Variants in CCSER1 observed in about 807,000 individuals in gnomAD.
CCSER1 encodes the protein coiled-coil serine rich protein 1.
In CCSER1, 41 loss-of-function variants were observed where a neutral mutation model predicts 82.0. The observed-to-expected ratio is 0.50, with a 90% confidence interval of 0.39 to 0.65. CCSER1 has a LOEUF of 0.65. Among genes scored for constraint, CCSER1 ranks in the 30% least tolerant of loss-of-function variants. The probability of loss-of-function intolerance (pLI) is 0.00; values close to 1 mark genes in which losing one functional copy is unlikely to be tolerated. For synonymous variants in CCSER1, 414 were observed against 383.9 expected, an observed-to-expected ratio of 1.08 and a Z score of -0.92; for missense variants, 1,119 against 1,064.2, an observed-to-expected ratio of 1.05 and a Z score of -0.72.
At chr4:90,973,101 G>A (rs1014632141) in intron 9 of CCSER1, among the ~76,000 whole-genome samples, 1 of 151,662 alleles carries the variant, frequency 6.6e-6, no homozygotes, top group Middle Eastern at 3.4e-3. Flanking sequence ...CATTTGGCTG[G>A]GCAATGATTT....
At chr4:91,558,111 A>G (rs374250145) in intron 10 of CCSER1, among the ~76,000 whole-genome samples, 1 of 16,796 alleles carries the variant, frequency 6.0e-5, no homozygotes, top group Admixed American at 4.8e-4. Context: ...AATAAAAAAA[A>G]TATATTTCAT....
At chr4:90,897,387 G>T (rs1245935986) in intron 8 of CCSER1, among the ~76,000 whole-genome samples, 2 of 151,900 alleles carry the variant, frequency 1.3e-5, no homozygotes, top group African/African-American at 2.4e-5. Flanking sequence ...AGAACATATG[G>T]TGTTTGATTT....
At chr4:90,747,807 C>T (rs546105574) in intron 7 of CCSER1, among the ~76,000 whole-genome samples, 2 of 127,910 alleles carry the variant, frequency 1.6e-5, no homozygotes, top group African/African-American at 5.8e-5. Context: ...CCCCCCTCCC[C>T]CCACTCCACA....
intron 9 of CCSER1, among the ~76,000 whole-genome samples, chr4:90,937,181 A>G (rs1479950567): frequency 6.6e-6 from 1 of 152,148 alleles, no homozygotes; most frequent in African/African-American, 2.4e-5. Flanking sequence ...ACGTGAAGGG[A>G]AGGAGCTACT....
intron 10 of CCSER1, among the ~76,000 whole-genome samples, chr4:91,573,518 G>A (rs1331042002): frequency 6.6e-6 from 1 of 152,156 alleles, no homozygotes; most frequent in Non-Finnish European, 1.5e-5. Context: ...AGGCCCTGGT[G>A]GAGTGCAGTG....
chr4:90,824,866 A>G (rs1265926182), intron 8 of CCSER1, among the ~76,000 whole-genome samples: 2 of 152,192 alleles, frequency 1.3e-5, no homozygotes, highest in Non-Finnish European at 2.9e-5. Context: ...TTAAAGTGTC[A>G]GGCTACTTTC....
intron 10 of CCSER1, among the ~76,000 whole-genome samples, chr4:91,529,736 CTTTGA>C (rs907810339): frequency 1.3e-5 from 2 of 151,982 alleles, no homozygotes; most frequent in Non-Finnish European, 2.9e-5. Context: ...CTCAGGAAGT[CTTTGA>C]TTTGTTTTGA....
chr4:91,113,689 T>TA (rs1726281830), intron 10 of CCSER1, among the ~76,000 whole-genome samples: 1 of 152,176 alleles, frequency 6.6e-6, no homozygotes, highest in African/African-American at 2.4e-5. Context: ...CCCTTTGAGT[T>TA]AAGAGTCAGT....
At chr4:91,266,750 A>G (rs926475618) in intron 10 of CCSER1, among the ~76,000 whole-genome samples, 2 of 152,186 alleles carry the variant, frequency 1.3e-5, no homozygotes, top group Admixed American at 6.5e-5. Flanking sequence ...CTGGTTTTGC[A>G]TACTTTAGTA....
intron 1 of CCSER1, among the ~76,000 whole-genome samples, chr4:90,282,486 CT>C (rs1173877451): frequency 2.0e-5 from 3 of 151,002 alleles, no homozygotes; most frequent in Non-Finnish European, 3.0e-5. Context: ...CTGTTAATTT[CT>C]ATAATGCAAT....
chr4:90,422,094 TG>T (rs1178013250), intron 4 of CCSER1, among the ~76,000 whole-genome samples: 1 of 152,200 alleles, frequency 6.6e-6, no homozygotes, highest in Non-Finnish European at 1.5e-5. Context: ...TTATCTCAAA[TG>T]TCCATGAAAG....
At chr4:90,395,265 C>T (rs528666178) in intron 3 of CCSER1, among the ~76,000 whole-genome samples, 2 of 152,292 alleles carry the variant, frequency 1.3e-5, no homozygotes, top group East Asian at 3.9e-4. Flanking sequence ...CTACTTTTAG[C>T]CACTTTTAAA....
intron 10 of CCSER1, among the ~76,000 whole-genome samples, chr4:91,379,194 A>T (rs193091584): frequency 1.3e-5 from 2 of 152,148 alleles, no homozygotes; most frequent in Admixed American, 1.3e-4. Flanking sequence ...TTCATCAGGG[A>T]TATTGGTCTA....
chr4:91,163,585 T>C (rs1025147038), intron 10 of CCSER1, among the ~76,000 whole-genome samples: 4 of 152,214 alleles, frequency 2.6e-5, no homozygotes, highest in Non-Finnish European at 4.4e-5. Flanking sequence ...TGTAGGTCTC[T>C]AAGGACTTGG....
intron 3 of CCSER1, among the ~76,000 whole-genome samples, chr4:90,398,827 C>A (rs569263568): frequency 6.6e-6 from 1 of 152,226 alleles, no homozygotes; most frequent in Non-Finnish European, 1.5e-5. Context: ...GTGCACTATT[C>A]ATGGATCCCA....
intron 3 of CCSER1, among the ~76,000 whole-genome samples, chr4:90,354,331 C>T (rs1744033928): frequency 6.6e-6 from 1 of 151,986 alleles, no homozygotes; most frequent in East Asian, 1.9e-4. Flanking sequence ...AGGGTATAAA[C>T]GTTCTAAGAT....
chr4:91,551,487 T>C (rs547191959), intron 10 of CCSER1, among the ~76,000 whole-genome samples: 29 of 152,252 alleles, frequency 1.9e-4, no homozygotes, highest in African/African-American at 7.0e-4. Context: ...GGTTTTATTG[T>C]AGGTAAAGTT....
chr4:91,384,621 G>A (rs926466246), intron 10 of CCSER1, among the ~76,000 whole-genome samples: 2 of 151,950 alleles, frequency 1.3e-5, no homozygotes, highest in African/African-American at 4.8e-5. Context: ...AGTTCTGGGT[G>A]AATGTAAGGG....
intron 1 of CCSER1, among the ~76,000 whole-genome samples, chr4:90,243,814 A>G (rs72659487): frequency 3.3e-5 from 5 of 152,112 alleles, no homozygotes; most frequent in Non-Finnish European, 5.9e-5. Context: ...TAATTTTTTA[A>G]AAAATTATTA....
Sources: allele counts gnomAD v4.1 joint callset (sites outside exome capture counted in the v4.1 genomes callset), GRCh38; gene constraint gnomAD v4.1.1; transcripts MANE v1.5; gene names NCBI Gene and HGNC (gene_info 2026-07-23, HGNC 2026-07-21).